The following KCNJ3 variants were observed in gnomAD, a reference collection of about 807,000 sequenced individuals.
KCNJ3 encodes potassium inwardly rectifying channel subfamily J member 3, also known as G protein-activated inward rectifier potassium channel 1.
In KCNJ3, 4 loss-of-function variants were observed where a neutral mutation model predicts 39.2. That is an observed-to-expected ratio of 0.10 (90% CI 0.05 to 0.23). The LOEUF is 0.23. Among genes scored for constraint, KCNJ3 ranks in the 10% least tolerant of loss-of-function variants. The pLI is 1.00. For missense variants in KCNJ3, 276 were observed against 634.9 expected (o/e 0.43, Z 6.08); for synonymous variants, 230 against 237.4 (o/e 0.97, Z 0.29).
At chr2:154,843,813 C>G (rs1022268999) in intron 2 of KCNJ3, among the ~76,000 whole-genome samples, 1 of 152,184 alleles carries the variant, frequency 6.6e-6, no homozygotes. Flanking sequence ...CTTCTCCACA[C>G]TGTTTATTCT....
At chr2:154,707,944 G>T (rs1685040910) in intron 1 of KCNJ3, among the ~76,000 whole-genome samples, 1 of 152,134 alleles carries the variant, frequency 6.6e-6, no homozygotes, top group South Asian at 2.1e-4. Flanking sequence ...TTTGAGAATA[G>T]ATTTAGAAAT....
At chr2:154,706,643 C>CT (rs889263849) in intron 1 of KCNJ3, among the ~76,000 whole-genome samples, 13 of 151,286 alleles carry the variant, frequency 8.6e-5, no homozygotes, top group South Asian at 8.4e-4. Flanking sequence ...AACTCATAGG[C>CT]TTTTTTTTTC....
chr2:154,802,124 T>G (rs1450515480), intron 2 of KCNJ3, among the ~76,000 whole-genome samples: 1 of 152,156 alleles, frequency 6.6e-6, no homozygotes, highest in African/African-American at 2.4e-5. Context: ...TGTTTATATA[T>G]CTTTGGTAAA....
At chr2:154,743,176 T>C (rs1288952633) in intron 2 of KCNJ3, among the ~76,000 whole-genome samples, 4 of 151,872 alleles carry the variant, frequency 2.6e-5, no homozygotes, top group Admixed American at 6.6e-5. Flanking sequence ...TATTTGACCA[T>C]ATACATAAGA....
At chr2:154,853,432 A>T (rs1687788644) in intron 2 of KCNJ3, among the ~76,000 whole-genome samples, 1 of 152,126 alleles carries the variant, frequency 6.6e-6, no homozygotes, top group Admixed American at 6.5e-5. Context: ...CTTCCTTCAA[A>T]CTATGCCAGG....
chr2:154,818,601 C>T (rs1687118792), intron 2 of KCNJ3, among the ~76,000 whole-genome samples: 1 of 152,094 alleles, frequency 6.6e-6, no homozygotes. Context: ...CTTAGAGAGA[C>T]CCTAGAAAAG....
At chr2:154,758,807 T>C (rs1264203284) in intron 2 of KCNJ3, among the ~76,000 whole-genome samples, 1 of 152,202 alleles carries the variant, frequency 6.6e-6, no homozygotes, top group Admixed American at 6.5e-5. Flanking sequence ...ATCTCCATAC[T>C]GGATTAAACA....
chr2:154,832,808 G>T (rs146327248), intron 2 of KCNJ3, among the ~76,000 whole-genome samples: 116 of 152,262 alleles, frequency 7.6e-4, no homozygotes, highest in South Asian at 3.1e-3. Flanking sequence ...TCTGAAATTG[G>T]CTTATAAGGC....
chr2:154,821,978 G>T (rs1166484570), intron 2 of KCNJ3, among the ~76,000 whole-genome samples: 1 of 151,540 alleles, frequency 6.6e-6, no homozygotes, highest in African/African-American at 2.4e-5. Flanking sequence ...TGCATCTGTT[G>T]ACAGCAGAAC....
chr2:154,812,555 C>G (rs1254772125), intron 2 of KCNJ3, among the ~76,000 whole-genome samples: 1 of 152,084 alleles, frequency 6.6e-6, no homozygotes, highest in African/African-American at 2.4e-5. Context: ...AAATTAGAAA[C>G]TTTCTCAAGT....
chr2:154,816,175 C>T (rs1427480838), intron 2 of KCNJ3, among the ~76,000 whole-genome samples: 2 of 152,098 alleles, frequency 1.3e-5, no homozygotes, highest in African/African-American at 2.4e-5. Flanking sequence ...GAGTAAATTA[C>T]TTAACATGAT....
intron 2 of KCNJ3, among the ~76,000 whole-genome samples, chr2:154,784,772 A>G (rs1686497970): frequency 6.6e-6 from 1 of 152,162 alleles, no homozygotes; most frequent in Admixed American, 6.5e-5. Flanking sequence ...TGCTATCTAC[A>G]TCGTGTTTGT....
chr2:154,798,539 G>T (rs1050266720), intron 2 of KCNJ3, among the ~76,000 whole-genome samples: 1 of 152,096 alleles, frequency 6.6e-6, no homozygotes, highest in African/African-American at 2.4e-5. Context: ...ACAAAAGGTC[G>T]CAGTGATTAA....
intron 2 of KCNJ3, among the ~76,000 whole-genome samples, chr2:154,802,553 ATTGACATT>A (rs1558878041): frequency 6.6e-6 from 1 of 152,178 alleles, no homozygotes; most frequent in African/African-American, 2.4e-5. Context: ...TTTTAAGTAT[ATTGACATT>A]TTGACTAAAA....
intron 2 of KCNJ3, among the ~76,000 whole-genome samples, chr2:154,760,846 C>T (rs543619203): frequency 6.7e-6 from 1 of 148,220 alleles, no homozygotes; most frequent in African/African-American, 2.5e-5. Context: ...ATGCCATTCT[C>T]CTGCCTCAGC....
chr2:154,806,717 A>T (rs994340333), intron 2 of KCNJ3, among the ~76,000 whole-genome samples: 1 of 152,186 alleles, frequency 6.6e-6, no homozygotes, highest in African/African-American at 2.4e-5. Flanking sequence ...CATGACTCCA[A>T]TCAGCAGGAT....
intron 2 of KCNJ3, among the ~76,000 whole-genome samples, chr2:154,776,983 A>C (rs1439168652): frequency 6.6e-6 from 1 of 152,146 alleles, no homozygotes; most frequent in African/African-American, 2.4e-5. Context: ...TAATGTTCCA[A>C]GGAAATCTTG....
At chr2:154,725,283 C>A (rs576398580) in intron 2 of KCNJ3, among the ~76,000 whole-genome samples, 57 of 149,680 alleles carry the variant, frequency 3.8e-4, no homozygotes, top group Non-Finnish European at 7.4e-4. Flanking sequence ...TCCTCTACTA[C>A]TTTCTATTTT....
At chr2:154,828,213 G>C (rs536461293) in intron 2 of KCNJ3, among the ~76,000 whole-genome samples, 1 of 152,220 alleles carries the variant, frequency 6.6e-6, no homozygotes, top group South Asian at 2.1e-4. Context: ...TTACATTACT[G>C]CATGGGTAGG....
Sources: gnomAD v4.1 joint callset for allele counts (sites outside exome capture counted in the v4.1 genomes callset) on GRCh38, gnomAD v4.1.1 for gene constraint, MANE v1.5 for transcripts, NCBI Gene and HGNC (gene_info 2026-07-23, HGNC 2026-07-21) for gene names.